Variants in ZNF69 observed in about 807,000 individuals in gnomAD.
ZNF69 encodes ZNF3.
In ZNF69, 47 loss-of-function variants were observed where a neutral mutation model predicts 50.9. That is an observed-to-expected ratio of 0.92 (90% confidence interval 0.73 to 1.18). ZNF69 has a LOEUF of 1.18. Among genes scored for constraint, ZNF69 ranks in the 50% most tolerant of loss-of-function variants. ZNF69 has a pLI of 0.00. For synonymous variants in ZNF69, 216 were observed against 223.1 expected (o/e 0.97, Z 0.29); for missense variants, 717 against 675.1 (o/e 1.06, Z -0.69).
At chr19:11,922,084 A>G in the ZNF69 span, among the ~76,000 whole-genome samples, 3 of 152,222 alleles carry the variant, frequency 2.0e-5, no homozygotes, top group Admixed American at 2.0e-4. Context: ...GGCCAAAGGA[A>G]TGGGCTCCAG....
At position 11,905,881 on chromosome 19, in the gene ZNF69, GAC is replaced by G. The variant is rs1972362157; in HGVS notation, c.1486_1487del (p.His496Ter). 1.2e-6 allele frequency: 2 copies of G among 1,613,050 alleles called. No individual in the cohort carries two copies. Among genetic ancestry groups the G allele is most frequent in the Non-Finnish European group, 8.5e-7 (1 of 1,179,790 alleles). On this transcript the variant is annotated frameshift_variant, in exon 4 of 4. Transcript: ENST00000429654. LOFTEE classifies it high-confidence loss of function. ...TTTTATTGTCCCAAATCATTGCAAA[GAC>G]ATGAAAAAACTCACACTGGAGAGAA...
At chr19:11,973,371 C>A in the ZNF69 span, among the ~76,000 whole-genome samples, 1 of 152,076 alleles carries the variant, frequency 6.6e-6, no homozygotes, top group East Asian at 1.9e-4. Flanking sequence ...TGTTGCTTGA[C>A]GACTCATTTA....
At chr19:11,943,671 G>T in the ZNF69 span, among the ~76,000 whole-genome samples, 1 of 152,178 alleles carries the variant, frequency 6.6e-6, no homozygotes, top group African/African-American at 2.4e-5. Context: ...TCCTTTTAAA[G>T]TTCCTAGGCA....
chr19:11,901,978 CTTTT>C (rs58505422), intron 1 of ZNF69, among the ~76,000 whole-genome samples: 4 of 119,088 alleles, frequency 3.4e-5, no homozygotes, highest in African/African-American at 1.3e-4. Context: ...ATGTTATTTT[CTTTT>C]TTTTTTTTTT....
the ZNF69 span, chr19:11,950,558 C>CA: frequency 3.5e-6 from 2 of 572,978 alleles, no homozygotes; most frequent in Non-Finnish European, 6.6e-6. Context: ...GGAAAGCCTT[C>CA]AGATGTGCCT....
the ZNF69 span, chr19:11,976,778 A>G: frequency 1.1e-6 from 1 of 898,248 alleles, no homozygotes; most frequent in East Asian, 4.6e-5. Context: ...AGGCAGGAGA[A>G]TCGCTTGAAC....
chr19:11,916,720 A>G (rs565335803), downstream of ZNF69, among the ~76,000 whole-genome samples: 804 of 152,286 alleles, frequency 5.3e-3, 6 homozygotes, highest in African/African-American at 0.019. Flanking sequence ...AAAACTGTTC[A>G]CCTAATGGTT....
At chr19:11,920,249 T>A in the ZNF69 span, among the ~76,000 whole-genome samples, 1 of 151,972 alleles carries the variant, frequency 6.6e-6, no homozygotes, top group Non-Finnish European at 1.5e-5. Context: ...ATAGCCAGGA[T>A]CACAGGTGTG....
At chr19:11,889,577 A>T (rs1977031862) in intron 1 of ZNF69, among the ~76,000 whole-genome samples, 1 of 152,158 alleles carries the variant, frequency 6.6e-6, no homozygotes, top group African/African-American at 2.4e-5. Context: ...GCAATTCTCT[A>T]GCCTCAGCCT....
At chr19:11,901,977 T>C (rs1303266899) in intron 1 of ZNF69, among the ~76,000 whole-genome samples, 4 of 148,848 alleles carry the variant, frequency 2.7e-5, no homozygotes, top group Non-Finnish European at 5.9e-5. Flanking sequence ...GATGTTATTT[T>C]CTTTTTTTTT....
the ZNF69 span, chr19:11,949,206 A>G: frequency 1.7e-3 from 2,715 of 1,613,688 alleles, 3 homozygotes; most frequent in Non-Finnish European, 2.1e-3. Flanking sequence ...AATGCAAGCA[A>G]TGTGGTAAAG....
the ZNF69 span, among the ~76,000 whole-genome samples, chr19:11,973,501 C>T: frequency 2.0e-5 from 3 of 152,136 alleles, no homozygotes; most frequent in African/African-American, 7.2e-5. Flanking sequence ...TCTTGTGAGC[C>T]ACCACGTTCG....
the ZNF69 span, among the ~76,000 whole-genome samples, chr19:11,952,309 C>G: frequency 6.6e-6 from 1 of 152,104 alleles, no homozygotes; most frequent in Non-Finnish European, 1.5e-5. Context: ...TAGAAAGTAC[C>G]TTAGTTAAAA....
chr19:11,888,103 C>G (rs1976991249), intron 1 of ZNF69, 117 bp downstream of exon 1: 3 of 907,464 alleles, frequency 3.3e-6, no homozygotes, highest in Non-Finnish European at 5.0e-6. Context: ...GGGACCGAGT[C>G]CTCCTGGAGC....
the ZNF69 span, chr19:11,953,008 A>T: frequency 6.6e-6 from 1 of 152,266 alleles, no homozygotes; most frequent in African/African-American, 2.4e-5. Flanking sequence ...TGGGAGGCAG[A>T]TGTTACACTG....
At chr19:11,921,286 C>T in the ZNF69 span, among the ~76,000 whole-genome samples, 2 of 152,048 alleles carry the variant, frequency 1.3e-5, no homozygotes, top group African/African-American at 4.8e-5. Context: ...TCTCCTGCCT[C>T]AGCCTCCCAA....
At chr19:11,949,712 C>A in the ZNF69 span, 1 of 1,613,936 alleles carries the variant, frequency 6.2e-7, no homozygotes, top group Non-Finnish European at 8.5e-7. Context: ...GGAGAGAAAC[C>A]CTATGAGTGT....
chr19:11,905,744 T>C lies in ZNF69; in HGVS notation c.1347T>C (p.Cys449=), dbSNP rs1365167151. 6.2e-7 allele frequency: 1 copy of C among 1,612,236 alleles called. No individual in the cohort carries two copies. Among genetic ancestry groups the C allele is most frequent in the Non-Finnish European group, 8.5e-7 (1 of 1,179,650 alleles). Residue 449 remains cysteine, a synonymous_variant, in exon 4 of 4, where the codon TGT becomes TGC. Transcript: ENST00000429654. ...AGAAGCCCTATGAATGTCAGGAATG[T>C]GGGAAAGCCTTCAGATCTATGAAGA... ...TGEKPYECQE[C]GKAFRSMKNL...
In ZNF69 at chr19:11,887,833, C is replaced by T. The variant is rs1165967352; in HGVS notation, c.-91C>T. 4 of 1,208,542 alleles carry T rather than the reference C, an allele frequency of 3.3e-6. No homozygotes were observed. The African/African-American group carries it at 6.2e-5, about 19-fold the overall frequency. 74.9% of individuals were successfully genotyped at this position (1,208,542 alleles called of 1,614,324 possible). A position where few individuals can be genotyped will look rare whatever the true frequency, so the allele number is the denominator to read the frequency against. On this transcript the variant is annotated 5_prime_UTR_variant, in exon 1 of 4. Transcript: ENST00000429654. ...CGCATTCCTTACCTCACCTTTGTCC[C>T]TGCGCGGGCTGCGGCTGGGATCCGG... is the stretch of plus-strand genomic sequence containing the variant.
Sources: gnomAD v4.1 joint callset for allele counts (sites outside exome capture counted in the v4.1 genomes callset) on GRCh38, gnomAD v4.1.1 for gene constraint, MANE v1.5 for transcripts, NCBI Gene and HGNC (gene_info 2026-07-23, HGNC 2026-07-21) for gene names.